Variants in LARP1 observed in about 807,000 individuals in gnomAD.
LARP1 encodes la-related protein 1.
LARP1 carries 36 observed loss-of-function variants against 122.7 expected under a neutral mutation model. The observed-to-expected ratio is 0.29, with a 90% CI of 0.22 to 0.39. LARP1 has a LOEUF of 0.39. Ranked by LOEUF, LARP1 falls within the 10% of genes least tolerant of loss-of-function variation. The pLI, the probability that LARP1 is intolerant of heterozygous loss-of-function variation, is 1.00. For missense variants in LARP1, 1,040 were observed against 1,403.6 expected, an observed-to-expected ratio of 0.74 and a Z score of 4.14; for synonymous variants, 539 against 528.7, an observed-to-expected ratio of 1.02 and a Z score of -0.27.
At chr5:154,812,245 A>C (rs1387968821) in intron 18 of LARP1, among the ~76,000 whole-genome samples, 1 of 152,176 alleles carries the variant, frequency 6.6e-6, no homozygotes, top group Non-Finnish European at 1.5e-5. Context: ...TATTCCCTTC[A>C]AACCTTTTAG....
chr5:154,789,232 T>TTC (rs1414119527), intron 1 of LARP1, among the ~76,000 whole-genome samples: 1 of 145,650 alleles, frequency 6.9e-6, no homozygotes, highest in African/African-American at 2.5e-5. Context: ...TTTTTTTTTT[T>TTC]TTTTTTTGAG....
rs75240492 is a variant in LARP1 at position 154,696,431 on chromosome 5, G to A, written c.-180+13394G>A. ...AGAATGAAGACTGCATTGCTAGAGT[G>A]CATGGTTCATTAGTAAACTTATTCT... On this transcript the variant is annotated intron_variant, in intron 1 of 18. Coordinates refer to the LARP1 transcript ENST00000687700. 2.7e-4 allele frequency among the ~76,000 whole-genome samples: 41 copies of A among 152,294 alleles called. No individual in the cohort carries two copies. In the East Asian group the frequency reaches 7.3e-3, roughly 27 times the overall value.
chr5:154,777,487 C>G (rs1439470658), intron 1 of LARP1, among the ~76,000 whole-genome samples: 1 of 152,158 alleles, frequency 6.6e-6, no homozygotes, highest in Non-Finnish European at 1.5e-5. Flanking sequence ...CGCCACTGCA[C>G]TCCAGCCTGG....
rs76386548 is a variant in LARP1, at chr5:154,801,191, T to C, written c.1717-816T>C. On this transcript the variant is annotated intron_variant, in intron 10 of 18. Transcript: ENST00000518297. ...CTCATATTCAGTCTATCAAAACAAA[T>C]AGTTTTTCTTTGCTGAAGGCACCGT... Among the ~76,000 whole-genome samples, 732 of 152,368 alleles carry C rather than the reference T, an allele frequency of 4.8e-3. 2 individuals are homozygous for C. Among genetic ancestry groups the C allele is most frequent in the African/African-American group, 0.017 (688 of 41,590 alleles).
chr5:154,705,327 G>C (rs551347880), intron 1 of LARP1, among the ~76,000 whole-genome samples: 1 of 152,046 alleles, frequency 6.6e-6, no homozygotes, highest in Non-Finnish European at 1.5e-5. Context: ...GAGTTATCTC[G>C]ATTGTTCACA....
rs1759276811 is a variant in LARP1 at position 154,811,574 on chromosome 5, G to T, written c.3015G>T (p.Leu1005Phe). 6.2e-7 allele frequency: 1 copy of T among 1,614,136 alleles called. No homozygotes were observed. The stretch of plus-strand genomic sequence containing the variant: ...TGAAATATTCCAAAGCCAAAAATTT[G>T]GACATTGACCCCAAACTGCAAGAAT... ...AFLKYSKAKN[L>F]DIDPKLQEYL... The change falls in exon 18 of 19, where the codon TTG becomes TTT. Residue 1005 changes from leucine to phenylalanine, a missense_variant. This residue lies in a region of LARP1 where 129 missense variants were observed against 160.8 expected (regional missense o/e 0.80). Coordinates refer to ENST00000518297, the MANE Select transcript of LARP1 (RefSeq NM_033551.3).
In LARP1 at chr5:154,756,101, A is replaced by G. The variant is rs2113546060; in HGVS notation, c.344A>G (p.Asp115Gly). Residue 115 changes from aspartate (D) to glycine (G), a missense_variant, in exon 1 of 19, where the codon GAC becomes GGC. Coordinates refer to ENST00000518297, the MANE Select transcript of LARP1 (RefSeq NM_033551.3). ...AAGAAGAGRR[D>G]FVEAPPPKVN... ...GGAGCCGCGGGCGCGGGGCGCCGGG[A>G]CTTCGTGGAAGCCCCCCCGCCCAAG... The G allele has an allele frequency of 1.7e-6, 2 of 1,198,368 alleles. No individual in the cohort carries two copies. Among genetic ancestry groups the G allele is most frequent in the Non-Finnish European group, 2.1e-6 (2 of 943,388 alleles). The allele number at this position is 1,198,368 out of a possible 1,614,324, so 74.2% of individuals were successfully genotyped here.
chr5:154,712,778 T>A (rs1755280387), upstream of LARP1: 1 of 662,016 alleles, frequency 1.5e-6, no homozygotes, highest in Non-Finnish European at 2.7e-6. Context: ...TGAGCTGCCG[T>A]CGCTCTCTTA....
At chr5:154,813,440 G>T (rs760705211) in intron 18 of LARP1, among the ~76,000 whole-genome samples, 9 of 152,170 alleles carry the variant, frequency 5.9e-5, no homozygotes, top group Non-Finnish European at 1.2e-4. Context: ...AGAAGGATCT[G>T]GGCCTTCTGA....
chr5:154,685,805 T>C (rs774355328), intron 1 of LARP1: 6 of 468,296 alleles, frequency 1.3e-5, no homozygotes, highest in Admixed American at 1.1e-4. Flanking sequence ...ACCTCAACTC[T>C]ACAATTTTTT....
intron 1 of LARP1, among the ~76,000 whole-genome samples, chr5:154,715,250 T>C (rs2113311682): frequency 6.8e-6 from 1 of 147,312 alleles, no homozygotes; most frequent in Middle Eastern, 3.6e-3. Context: ...TCCCCTGCTC[T>C]GGGGCAAGCC....
At position 154,805,938 on chromosome 5, in the gene LARP1, AT is replaced by A; in HGVS notation, c.2606del (p.Leu869CysfsTer44). Reference sequence around the variant, plus strand: ...GCAGCTATGGCTGTACCCCTCAGTCATTGCCCAAGTTCCAGCATCCTTCCCA... The same window carrying A: ...GCAGCTATGGCTGTACCCCTCAGTCATGCCCAAGTTCCAGCATCCTTCCCA... ...VGSYGCTPQS[L>X]PKFQHPSHEL... On this transcript the variant is annotated frameshift_variant, in exon 15 of 19. Transcript: ENST00000518297. LOFTEE classifies it high-confidence loss of function. 6.2e-7 allele frequency: 1 copy of A among 1,614,176 alleles called. No individual in the cohort carries two copies. Among genetic ancestry groups the A allele is most frequent in the Non-Finnish European group, 8.5e-7 (1 of 1,180,036 alleles).
In LARP1 at chr5:154,799,936, A is replaced by T; in HGVS notation, c.1610A>T (p.Asn537Ile). 1 of 1,614,118 alleles carries T rather than the reference A, an allele frequency of 6.2e-7. No homozygotes were observed. Among genetic ancestry groups the T allele is most frequent in the Non-Finnish European group, 8.5e-7 (1 of 1,180,008 alleles). The change falls in exon 10 of 19, where the codon AAC (asparagine) becomes ATC (isoleucine). Residue 537 changes from asparagine (N) to isoleucine (I), a missense_variant. This residue lies in a region of LARP1 where 362 missense variants were observed against 533.1 expected (regional missense o/e 0.68). Transcript: ENST00000518297. ...CCAACCAAAACAGAGGAGGTCAGCA[A>T]CCTAAAGACACTACCCAAGGGCCTG... ...PVPTKTEEVS[N>I]LKTLPKGLSA...
chr5:154,787,170 T>C (rs1756957694), intron 1 of LARP1, among the ~76,000 whole-genome samples: 1 of 152,196 alleles, frequency 6.6e-6, no homozygotes, highest in African/African-American at 2.4e-5. Context: ...TGAGCCACCG[T>C]GTCTGGCTAT....
At chr5:154,713,281 C>G (rs1288441382) in intron 1 of LARP1, 1 of 632,320 alleles carries the variant, frequency 1.6e-6, no homozygotes, top group African/African-American at 1.8e-5. Flanking sequence ...ACCTCACATT[C>G]CCCATCTGGG....
At chr5:154,762,899 G>A (rs1754576609) in intron 1 of LARP1, among the ~76,000 whole-genome samples, 1 of 152,108 alleles carries the variant, frequency 6.6e-6, no homozygotes, top group African/African-American at 2.4e-5. Flanking sequence ...GATAGAGATA[G>A]GGCTCTGTAT....
chr5:154,800,009 G>A lies in LARP1; in HGVS notation c.1683G>A (p.Lys561=). The A allele has an allele frequency of 6.2e-7, 1 of 1,614,134 alleles. No individual in the cohort carries two copies. ...ATTCTGAGAACTGGATTGAAGTGAA[G>A]AAGAGGCCTCGGCCATCCCCAGCAC... ...DLDSENWIEV[K]KRPRPSPARP... The change falls in exon 10 of 19, where the codon AAG becomes AAA. Residue 561 remains lysine, a synonymous_variant. Transcript: ENST00000518297.
At chr5:154,810,916 T>G (rs1303455726) in intron 16 of LARP1, among the ~76,000 whole-genome samples, 1 of 152,218 alleles carries the variant, frequency 6.6e-6, no homozygotes, top group East Asian at 1.9e-4. Context: ...CAGTAAATAC[T>G]TTAGGCTTTG....
intron 1 of LARP1, among the ~76,000 whole-genome samples, chr5:154,722,672 T>G (rs1755946991): frequency 7.1e-6 from 1 of 141,372 alleles, no homozygotes; most frequent in Admixed American, 7.7e-5. Context: ...CATGCATCTT[T>G]CCTAGGTTTT....
Sources: gnomAD v4.1 joint callset for allele counts (sites outside exome capture counted in the v4.1 genomes callset) on GRCh38, gnomAD v4.1.1 for gene constraint, gnomAD v4.1.1 regional missense constraint, MANE v1.5 for transcripts, NCBI Gene and HGNC (gene_info 2026-07-23, HGNC 2026-07-21) for gene names.